PDE11A: variants seen among roughly 807,000 people sequenced by gnomAD.
PDE11A encodes phosphodiesterase 11A, also known as dual 3',5'-cyclic-AMP and -GMP phosphodiesterase 11A.
Under a neutral mutation model 100.5 loss-of-function variants are expected in PDE11A, and 100 were observed. The ratio of observed to expected loss-of-function variants is 1.00; its 90% confidence interval spans 0.85 to 1.18. The LOEUF is 1.18. Among genes scored for constraint, PDE11A ranks in the 50% most tolerant of loss-of-function variants. The pLI, the probability that PDE11A is intolerant of heterozygous loss-of-function variation, is 0.00. For missense variants in PDE11A, 1,141 were observed against 1,152.6 expected, an observed-to-expected ratio of 0.99 and a Z score of 0.15; for synonymous variants, 381 against 420.8, an observed-to-expected ratio of 0.91 and a Z score of 1.16.
At chr2:178,023,861 G>C (rs771478749) in intron 1 of PDE11A, among the ~76,000 whole-genome samples, 24 of 152,132 alleles carry the variant, frequency 1.6e-4, no homozygotes, top group Admixed American at 5.9e-4. Flanking sequence ...AGAAATTAGA[G>C]AGAAAAGGTG....
intron 1 of PDE11A, among the ~76,000 whole-genome samples, chr2:178,066,463 G>C (rs571335446): frequency 3.9e-4 from 60 of 152,286 alleles, no homozygotes; most frequent in African/African-American, 1.4e-3. Flanking sequence ...CCAGAGTCCA[G>C]AACCTTGGTT....
chr2:177,871,848 G>A (rs1369033781), intron 5 of PDE11A, among the ~76,000 whole-genome samples: 2 of 152,046 alleles, frequency 1.3e-5, no homozygotes, highest in Non-Finnish European at 2.9e-5. Flanking sequence ...GCAACAGAGT[G>A]AGACCCTGTC....
chr2:177,643,926 G>A (rs1206822674), intron 19 of PDE11A, among the ~76,000 whole-genome samples: 5 of 152,254 alleles, frequency 3.3e-5, no homozygotes, highest in African/African-American at 1.2e-4. Context: ...CTTTCATGTG[G>A]TATTGAGCTT....
At chr2:178,016,605 C>T (rs779504025) in intron 1 of PDE11A, among the ~76,000 whole-genome samples, 4 of 152,006 alleles carry the variant, frequency 2.6e-5, no homozygotes, top group African/African-American at 7.2e-5. Flanking sequence ...AAGCAAAATG[C>T]GTGAGAGAGA....
At chr2:177,847,748 A>G (rs1016324731) in intron 5 of PDE11A, among the ~76,000 whole-genome samples, 4 of 152,216 alleles carry the variant, frequency 2.6e-5, no homozygotes, top group African/African-American at 9.6e-5. Context: ...GCCAAGCTCT[A>G]TGCAGCATGT....
chr2:177,946,069 G>C (rs1483483079), intron 2 of PDE11A, among the ~76,000 whole-genome samples: 1 of 116,426 alleles, frequency 8.6e-6, no homozygotes, highest in African/African-American at 3.6e-5. Context: ...TCAGCCCCCC[G>C]CCTGGCCAGC....
At chr2:178,041,641 T>C (rs907171521) in intron 1 of PDE11A, among the ~76,000 whole-genome samples, 10 of 152,204 alleles carry the variant, frequency 6.6e-5, no homozygotes, top group Non-Finnish European at 1.0e-4. Flanking sequence ...CACACACATA[T>C]GTTTTTTTTC....
At chr2:177,773,846 A>G (rs981343124) in intron 9 of PDE11A, among the ~76,000 whole-genome samples, 2 of 152,244 alleles carry the variant, frequency 1.3e-5, no homozygotes, top group Non-Finnish European at 2.9e-5. Flanking sequence ...GCTAAACCAC[A>G]GTCCAGGAAG....
Position 177,725,897 on chromosome 2 carries a change from C to A in PDE11A, c.2043+1761G>T, listed in dbSNP as rs2081592698. 2.0e-5 allele frequency among the ~76,000 whole-genome samples: 3 copies of A among 152,100 alleles called. No homozygotes were observed. The South Asian group carries it at 6.2e-4, about 32-fold the overall frequency. On this transcript the variant is annotated intron_variant, in intron 12 of 19. Transcript: ENST00000286063. ...TAACTCAAAAATGTCACAGCCATTT[C>A]TTTTTCCTTCATTGAACAGGGTTCC...
intron 10 of PDE11A, among the ~76,000 whole-genome samples, chr2:177,728,744 G>A (rs923532316): frequency 3.3e-5 from 5 of 152,068 alleles, no homozygotes; most frequent in African/African-American, 9.7e-5. Flanking sequence ...ATATCTGAAG[G>A]TTTAGCATAA....
chr2:178,080,828 T>C (rs1359971869), intron 2 of PDE11A, among the ~76,000 whole-genome samples: 1 of 152,052 alleles, frequency 6.6e-6, no homozygotes, highest in Non-Finnish European at 1.5e-5. Flanking sequence ...AAAAAAAACA[T>C]GCCAACCCTC....
chr2:178,049,622 G>A (rs1189384525), intron 1 of PDE11A, among the ~76,000 whole-genome samples: 1 of 152,124 alleles, frequency 6.6e-6, no homozygotes, highest in African/African-American at 2.4e-5. Flanking sequence ...TGTGACAGAT[G>A]GCACCTGGAA....
chr2:177,753,873 T>A (rs755614040), intron 10 of PDE11A, among the ~76,000 whole-genome samples: 4 of 151,840 alleles, frequency 2.6e-5, no homozygotes, highest in Admixed American at 2.6e-4. Context: ...TTGATTTTTA[T>A]GGATGAAAGC....
At chr2:177,968,272 A>T (rs187927400) in intron 2 of PDE11A, among the ~76,000 whole-genome samples, 1 of 152,334 alleles carries the variant, frequency 6.6e-6, no homozygotes, top group East Asian at 1.9e-4. Flanking sequence ...CAACAGAAAC[A>T]TTTATTTTTA....
intron 8 of PDE11A, among the ~76,000 whole-genome samples, 168 bp from the exon 9 acceptor site, chr2:177,817,089 TAAC>T (rs984240812): frequency 2.0e-5 from 3 of 151,936 alleles, no homozygotes; most frequent in Admixed American, 2.0e-4. Context: ...TATTGTTATA[TAAC>T]AACTTTATAG....
chr2:177,652,206 G>C (rs762763450), intron 19 of PDE11A, among the ~76,000 whole-genome samples: 2 of 152,168 alleles, frequency 1.3e-5, no homozygotes, highest in African/African-American at 4.8e-5. Flanking sequence ...CTGAGTAACA[G>C]AGACAGTGAA....
chr2:177,946,684 T>TG (rs2085438427), intron 2 of PDE11A, among the ~76,000 whole-genome samples: 8 of 5,856 alleles, frequency 1.4e-3, no homozygotes, highest in Admixed American at 4.2e-3. Flanking sequence ...GGGAGGGAGG[T>TG]GGGGGGGGTC....
chr2:177,963,112 A>G (rs1401406795), intron 2 of PDE11A, among the ~76,000 whole-genome samples: 1 of 152,186 alleles, frequency 6.6e-6, no homozygotes, highest in Non-Finnish European at 1.5e-5. Context: ...GGCTTTCTGT[A>G]TCTATGTCCT....
At chr2:177,652,092 A>G (rs2080319735) in intron 19 of PDE11A, among the ~76,000 whole-genome samples, 1 of 152,224 alleles carries the variant, frequency 6.6e-6, no homozygotes, top group Non-Finnish European at 1.5e-5. Flanking sequence ...TTGCTGAGGC[A>G]GCCCTGTGGG....
Sources: gnomAD v4.1 joint callset for allele counts (sites outside exome capture counted in the v4.1 genomes callset) on GRCh38, gnomAD v4.1.1 for gene constraint, MANE v1.5 for transcripts, NCBI Gene and HGNC (gene_info 2026-07-23, HGNC 2026-07-21) for gene names.